Variants in HAPLN1 observed in about 807,000 individuals in gnomAD.
HAPLN1 encodes Cartilage link protein.
A neutral mutation model predicts 36.5 loss-of-function variants in HAPLN1; 13 were observed. The ratio of observed to expected loss-of-function variants is 0.36; its 90% CI spans 0.23 to 0.57. HAPLN1 has a LOEUF of 0.57. HAPLN1 is among the 20% of genes least tolerant of loss of function. HAPLN1 has a pLI of 0.83. For synonymous variants in HAPLN1, 202 were observed against 169.8 expected (o/e 1.19, Z -1.48); for missense variants, 407 against 439.7 (o/e 0.93, Z 0.66).
At chr5:83,692,316 A>T (rs1751297442) in intron 1 of HAPLN1, among the ~76,000 whole-genome samples, 1 of 151,958 alleles carries the variant, frequency 6.6e-6, no homozygotes, top group Non-Finnish European at 1.5e-5. Flanking sequence ...ACATGCAGAA[A>T]ATTAAACCAA....
At chr5:83,647,876 G>A (rs1055540018) in intron 3 of HAPLN1, among the ~76,000 whole-genome samples, 1 of 152,150 alleles carries the variant, frequency 6.6e-6, no homozygotes, top group Admixed American at 6.5e-5. Context: ...CTTAGTGCCT[G>A]TCATAGTGCT....
chr5:83,674,791 C>T (rs1404370192), intron 1 of HAPLN1: 1 of 152,188 alleles, frequency 6.6e-6, no homozygotes, highest in Admixed American at 6.5e-5. Flanking sequence ...AGAGCCTCTA[C>T]TCCAGAACCT....
chr5:83,668,785 T>A (rs773333648), intron 2 of HAPLN1, among the ~76,000 whole-genome samples: 4 of 152,082 alleles, frequency 2.6e-5, no homozygotes, highest in Non-Finnish European at 5.9e-5. Context: ...TGAGAGACAA[T>A]CTGATGAGGG....
At chr5:83,719,321 G>C (rs7735476) in intron 1 of HAPLN1, among the ~76,000 whole-genome samples, 114,440 of 152,152 alleles carry the variant, frequency 0.75, 43,186 homozygotes, top group East Asian at 0.82. Flanking sequence ...CTCCTGTAGA[G>C]CAGTGGTCTG....
intron 2 of HAPLN1, among the ~76,000 whole-genome samples, chr5:83,670,035 T>C (rs1435107481): frequency 6.6e-6 from 1 of 152,212 alleles, no homozygotes; most frequent in Non-Finnish European, 1.5e-5. Context: ...CATGTTCATC[T>C]ATTTTGCTTT....
intron 2 of HAPLN1, among the ~76,000 whole-genome samples, chr5:83,666,318 G>T (rs1199567812): frequency 2.0e-5 from 3 of 152,112 alleles, no homozygotes; most frequent in Non-Finnish European, 4.4e-5. Context: ...TGCTTTAGCT[G>T]AGTCAAGGTT....
chr5:83,657,928 AT>A (rs1750267922), intron 2 of HAPLN1, among the ~76,000 whole-genome samples: 1 of 152,164 alleles, frequency 6.6e-6, no homozygotes, highest in South Asian at 2.1e-4. Flanking sequence ...GGTAAAATAT[AT>A]ATTTAAAAAA....
intron 2 of HAPLN1, among the ~76,000 whole-genome samples, chr5:83,669,500 A>AAAAT (rs1246654787): frequency 1.3e-5 from 2 of 152,138 alleles, no homozygotes; most frequent in African/African-American, 4.8e-5. Context: ...CTCCGTCTCA[A>AAAAT]AAATAAATAA....
At position 83,690,133 on chromosome 5, in the gene HAPLN1, A is replaced by G. The variant is rs73133870; in HGVS notation, c.-26-16584T>C. ...CTACGTGGGACACATTCCTGGCATC[A>G]GTACTCCTCTGTCATATCTGTTTGT... On this transcript the variant is annotated intron_variant, in intron 1 of 4. Transcript: ENST00000274341. Among the ~76,000 whole-genome samples the G allele has an allele frequency of 5.4e-3, 826 of 152,212 alleles. 8 individuals carry two copies. Among genetic ancestry groups the G allele is most frequent in the African/African-American group, 0.019 (785 of 41,574 alleles).
intron 1 of HAPLN1, among the ~76,000 whole-genome samples, chr5:83,718,189 G>A (rs936137840): frequency 1.3e-5 from 2 of 152,174 alleles, no homozygotes; most frequent in Non-Finnish European, 1.5e-5. Context: ...AAAGAGTAAA[G>A]TGATCTTAAA....
intron 1 of HAPLN1, among the ~76,000 whole-genome samples, chr5:83,715,292 A>T (rs1290186640): frequency 6.6e-6 from 1 of 152,218 alleles, no homozygotes; most frequent in Non-Finnish European, 1.5e-5. Context: ...CCTCATTCAC[A>T]ATTAAATGTA....
intron 1 of HAPLN1, among the ~76,000 whole-genome samples, chr5:83,695,187 G>A (rs1257946727): frequency 5.9e-5 from 9 of 152,068 alleles, no homozygotes; most frequent in South Asian, 4.1e-4. Flanking sequence ...GTGCAGTGGC[G>A]CAATCTCGGC....
At chr5:83,691,660 C>T (rs1751276621) in intron 1 of HAPLN1, among the ~76,000 whole-genome samples, 1 of 151,858 alleles carries the variant, frequency 6.6e-6, no homozygotes, top group Non-Finnish European at 1.5e-5. Flanking sequence ...TAAGTAGTAT[C>T]CAGCCTTAAT....
chr5:83,704,596 G>A (rs990099544), intron 1 of HAPLN1, among the ~76,000 whole-genome samples: 1 of 152,128 alleles, frequency 6.6e-6, no homozygotes, highest in Non-Finnish European at 1.5e-5. Context: ...AAAAGCAGGA[G>A]CTGCAATCCT....
chr5:83,699,942 T>G (rs1751469206), intron 1 of HAPLN1, among the ~76,000 whole-genome samples: 1 of 152,214 alleles, frequency 6.6e-6, no homozygotes, highest in East Asian at 1.9e-4. Flanking sequence ...ACACCTGTAA[T>G]CTCAGCACTG....
rs1561302768 is a variant in HAPLN1, at chr5:83,652,706, T to C, written c.219A>G (p.Gly73=). 11 of 1,614,150 alleles carry C rather than the reference T, an allele frequency of 6.8e-6. No homozygotes were observed. Among genetic ancestry groups the C allele is most frequent in the Non-Finnish European group, 8.5e-6 (10 of 1,179,998 alleles). ...TCCACTTAATTCGGATTTTATGGAT[T>C]CCTGAGCCAAATGCTGTAGGGTCTC... ...FYRDPTAFGS[G]IHKIRIKWTK... Residue 73 remains glycine (G), a synonymous_variant, in exon 3 of 5, where the codon GGA becomes GGG. Transcript: ENST00000274341.
intron 1 of HAPLN1, among the ~76,000 whole-genome samples, chr5:83,706,103 C>T (rs969427213): frequency 7.6e-5 from 7 of 92,350 alleles, no homozygotes; most frequent in East Asian, 2.7e-4. Context: ...GCCTACCAAT[C>T]GAAAAAAAAA....
intron 3 of HAPLN1, among the ~76,000 whole-genome samples, chr5:83,646,532 G>T (rs1439047571): frequency 6.6e-6 from 1 of 152,244 alleles, no homozygotes; most frequent in Non-Finnish European, 1.5e-5. Flanking sequence ...GGACACGTTT[G>T]TCTCTGTAGG....
At chr5:83,703,994 T>C (rs77988193) in intron 1 of HAPLN1, among the ~76,000 whole-genome samples, 3,474 of 150,560 alleles carry the variant, frequency 0.023, 117 homozygotes, top group African/African-American at 0.081. Flanking sequence ...TAAAGACAAC[T>C]AGAGAGAAAG....
Sources: gnomAD v4.1 joint callset for allele counts (sites outside exome capture counted in the v4.1 genomes callset) on GRCh38, gnomAD v4.1.1 for gene constraint, MANE v1.5 for transcripts, NCBI Gene and HGNC (gene_info 2026-07-23, HGNC 2026-07-21) for gene names.